Variants in LHFPL3 observed in about 807,000 individuals in gnomAD.
LHFPL3 encodes LHFPL tetraspan subfamily member 3 protein.
Under a neutral mutation model 19.3 loss-of-function variants are expected in LHFPL3, and 5 were observed. That is an observed-to-expected ratio of 0.26 (90% CI 0.14 to 0.54). The LOEUF (loss-of-function observed/expected upper bound fraction) is 0.54, where lower values mean the gene tolerates loss of function less well. Ranked by LOEUF, LHFPL3 falls within the 20% of genes least tolerant of loss-of-function variation. The pLI, the probability that LHFPL3 is intolerant of heterozygous loss-of-function variation, is 0.94. For synonymous variants in LHFPL3, 133 were observed against 126.2 expected (o/e 1.05, Z -0.36); for missense variants, 249 against 307.4 (o/e 0.81, Z 1.42).
Position 104,516,177 on chromosome 7 carries a change from T to C in LHFPL3, c.445+186953T>C, listed in dbSNP as rs547631328. On this transcript the variant is annotated intron_variant, in intron 1 of 2. Coordinates refer to ENST00000424859, the MANE Select transcript of LHFPL3 (RefSeq NM_199000.3). Reference sequence around the variant, plus strand: ...GCAGAAGGGGAAACAAACACATCCTTCTTTACATGGTGGCATCAAGGAGAA... The same window carrying C: ...GCAGAAGGGGAAACAAACACATCCTCCTTTACATGGTGGCATCAAGGAGAA... Among the ~76,000 whole-genome samples the C allele has an allele frequency of 2.0e-5, 3 of 152,098 alleles. 1 individual carries two copies. Among genetic ancestry groups the C allele is most frequent in the Admixed American group, 2.0e-4 (3 of 15,264 alleles).
At chr7:104,648,741 G>A (rs1339778869) in intron 1 of LHFPL3, among the ~76,000 whole-genome samples, 2 of 152,166 alleles carry the variant, frequency 1.3e-5, no homozygotes, top group East Asian at 1.9e-4. Context: ...CACAATGGCC[G>A]CCTGTGTGGG....
intron 1 of LHFPL3, among the ~76,000 whole-genome samples, chr7:104,525,394 G>A (rs1015237705): frequency 6.6e-6 from 1 of 151,958 alleles, no homozygotes; most frequent in African/African-American, 2.4e-5. Context: ...TTTATTCTAG[G>A]ATAATGCAGA....
At chr7:104,378,170 T>G (rs559035069) in intron 1 of LHFPL3, among the ~76,000 whole-genome samples, 1 of 152,356 alleles carries the variant, frequency 6.6e-6, no homozygotes, top group African/African-American at 2.4e-5. Context: ...ATGAGGTACC[T>G]TAATACAGGT....
At chr7:104,570,162 G>A (rs772887921) in intron 1 of LHFPL3, among the ~76,000 whole-genome samples, 27 of 152,266 alleles carry the variant, frequency 1.8e-4, no homozygotes, top group Non-Finnish European at 3.5e-4. Flanking sequence ...ATGAAATTTG[G>A]TATTACAGAG....
chr7:104,421,318 A>G (rs1314245753), intron 1 of LHFPL3, among the ~76,000 whole-genome samples: 1 of 152,234 alleles, frequency 6.6e-6, no homozygotes, highest in African/African-American at 2.4e-5. Flanking sequence ...AAGTGAAAGT[A>G]GGGAAGAGAA....
chr7:104,422,450 T>C (rs1239158629), intron 1 of LHFPL3, among the ~76,000 whole-genome samples: 1 of 152,238 alleles, frequency 6.6e-6, no homozygotes, highest in Non-Finnish European at 1.5e-5. Flanking sequence ...CCCAAGACAA[T>C]TGGCATAGTT....
intron 1 of LHFPL3, among the ~76,000 whole-genome samples, chr7:104,578,816 C>G (rs1176585913): frequency 1.3e-5 from 2 of 152,176 alleles, no homozygotes; most frequent in Non-Finnish European, 2.9e-5. Context: ...CAGATAAAGT[C>G]AGATTCAACT....
Position 104,422,535 on chromosome 7 carries a change from GATTT to G in LHFPL3, c.445+93316_445+93319del, listed in dbSNP as rs532214063. Among the ~76,000 whole-genome samples, 3 of 152,284 alleles carry G rather than the reference GATTT, an allele frequency of 2.0e-5. No individual in the cohort carries two copies. In the East Asian group the frequency reaches 5.8e-4, roughly 29 times the overall value. On this transcript the variant is annotated intron_variant, in intron 1 of 2. Transcript: ENST00000424859. The stretch of plus-strand genomic sequence containing the variant: ...CCAAGCTGTGTGGATTATAGAAATT[GATTT>G]ATTTCAACTAGCATTTATTACAAAA...
intron 1 of LHFPL3, among the ~76,000 whole-genome samples, chr7:104,574,825 A>G (rs1218790329): frequency 6.6e-6 from 1 of 152,174 alleles, no homozygotes; most frequent in Non-Finnish European, 1.5e-5. Context: ...TTTTATAGAT[A>G]TTACTGTTCT....
chr7:104,684,718 G>C (rs1297142129), intron 1 of LHFPL3, among the ~76,000 whole-genome samples: 1 of 152,170 alleles, frequency 6.6e-6, no homozygotes, highest in Non-Finnish European at 1.5e-5. Context: ...GCAGAGGCTG[G>C]AGCCCAGGCC....
intron 1 of LHFPL3, among the ~76,000 whole-genome samples, chr7:104,376,341 T>C (rs534624456): frequency 4.3e-4 from 65 of 152,330 alleles, no homozygotes; most frequent in African/African-American, 1.5e-3. Context: ...TAAAAAAGTA[T>C]TTTCAGGTAG....
At chr7:104,371,070 G>A (rs1790604144) in intron 1 of LHFPL3, among the ~76,000 whole-genome samples, 1 of 152,100 alleles carries the variant, frequency 6.6e-6, no homozygotes, top group South Asian at 2.1e-4. Flanking sequence ...TGCCAGCAAA[G>A]CCCTTCCTGT....
At chr7:104,870,151 T>C (rs1313196528) in intron 2 of LHFPL3, among the ~76,000 whole-genome samples, 1 of 151,946 alleles carries the variant, frequency 6.6e-6, no homozygotes, top group Non-Finnish European at 1.5e-5. Context: ...AAATGACGAG[T>C]TACTGGGTGC....
chr7:104,831,507 A>C (rs1790953027), intron 2 of LHFPL3, among the ~76,000 whole-genome samples: 1 of 151,962 alleles, frequency 6.6e-6, no homozygotes, highest in Admixed American at 6.6e-5. Flanking sequence ...GAGAGAAAAC[A>C]GAGTTGCTCA....
intron 1 of LHFPL3, among the ~76,000 whole-genome samples, chr7:104,727,494 A>G (rs1793613464): frequency 6.6e-6 from 1 of 152,106 alleles, no homozygotes; most frequent in Non-Finnish European, 1.5e-5. Flanking sequence ...CTCTTTCTTC[A>G]GAAAGCGTAT....
intron 2 of LHFPL3, among the ~76,000 whole-genome samples, chr7:104,749,552 A>T (rs532899251): frequency 4.2e-3 from 646 of 152,366 alleles, no homozygotes; most frequent in African/African-American, 0.015. Flanking sequence ...TAGATCAATT[A>T]TAATTAAAGG....
chr7:104,682,724 C>T (rs1021042278), intron 1 of LHFPL3, among the ~76,000 whole-genome samples: 3 of 152,170 alleles, frequency 2.0e-5, no homozygotes, highest in Non-Finnish European at 4.4e-5. Flanking sequence ...TTTTTATCCT[C>T]TCAACTGCTG....
intron 1 of LHFPL3, among the ~76,000 whole-genome samples, chr7:104,453,213 A>G (rs1404533213): frequency 6.6e-6 from 1 of 151,404 alleles, no homozygotes; most frequent in Non-Finnish European, 1.5e-5. Context: ...GTTGAACTCA[A>G]CTCTGCTGAA....
At chr7:104,677,139 G>T (rs1792606685) in intron 1 of LHFPL3, among the ~76,000 whole-genome samples, 1 of 152,164 alleles carries the variant, frequency 6.6e-6, no homozygotes, top group Admixed American at 6.5e-5. Context: ...ACTTTGGGAG[G>T]CCAAGACAGG....
Sources: gnomAD v4.1 joint callset for allele counts (sites outside exome capture counted in the v4.1 genomes callset) on GRCh38, gnomAD v4.1.1 for gene constraint, MANE v1.5 for transcripts, NCBI Gene and HGNC (gene_info 2026-07-23, HGNC 2026-07-21) for gene names.